The following FAM133A variants were observed in gnomAD, a reference collection of about 807,000 sequenced individuals.
FAM133A encodes the protein protein FAM133A.
For missense variants in FAM133A, 159 were observed against 164.4 expected, an observed-to-expected ratio of 0.97 and a Z score of 0.18; for synonymous variants, 65 against 58.6, an observed-to-expected ratio of 1.11 and a Z score of -0.50.
intron 2 of FAM133A, among the ~76,000 whole-genome samples, chrX:93,689,646 T>C (rs1925764114): frequency 9.0e-6 from 1 of 111,436 alleles, no homozygotes; most frequent in Non-Finnish European, 1.9e-5. Flanking sequence ...ATTTGTGTTT[T>C]TTTTTCAGCA....
chrX:93,680,521 A>G (rs1322154907), intron 2 of FAM133A, among the ~76,000 whole-genome samples: 1 of 111,432 alleles, frequency 9.0e-6, no homozygotes, highest in African/African-American at 3.3e-5. Context: ...AGGAATGTCC[A>G]TACTGTTTTC....
chrX:93,709,682 C>T lies in FAM133A; in HGVS notation c.263C>T (p.Ser88Phe), dbSNP rs753305064. Reference protein sequence around the residue: ...EKLLSGNESSSKKRERKKKRK... With the variant: ...EKLLSGNESSFKKRERKKKRK... ...TTATTAAGTGGAAATGAGAGCTCAT[C>T]TAAAAAAAGAGAAAGAAAGAAAAAG... The change falls in exon 4 of 4, where the codon TCT becomes TTT. Residue 88 changes from serine to phenylalanine, a missense_variant. Ser to Phe is a radical substitution (Grantham distance 155). Coordinates refer to ENST00000683942, the MANE Select transcript of FAM133A (RefSeq NM_001171109.2). The T allele has an allele frequency of 1.7e-6, 2 of 1,192,500 alleles. No individual in the cohort carries two copies. The highest frequency in any genetic ancestry group is 3.0e-5 in the East Asian group (1 of 33,580).
At chrX:93,693,747 T>C (rs922401249) in intron 2 of FAM133A, among the ~76,000 whole-genome samples, 1 of 111,627 alleles carries the variant, frequency 9.0e-6, no homozygotes, top group African/African-American at 3.2e-5. Context: ...TGCATTTTAG[T>C]ACTAATTTTA....
At chrX:93,680,174 A>T (rs1220475781) in intron 2 of FAM133A, among the ~76,000 whole-genome samples, 1 of 109,214 alleles carries the variant, frequency 9.2e-6, no homozygotes, top group Non-Finnish European at 1.9e-5. Flanking sequence ...TGACATTTTT[A>T]TGCTCCACAT....
chrX:93,699,729 C>G (rs1343598734), intron 3 of FAM133A, among the ~76,000 whole-genome samples: 1 of 110,020 alleles, frequency 9.1e-6, no homozygotes, highest in Non-Finnish European at 1.9e-5. Context: ...AAGTAAGTTA[C>G]AGACCTCATG....
At chrX:93,699,384 G>A (rs1926534805) in intron 3 of FAM133A, among the ~76,000 whole-genome samples, 1 of 110,983 alleles carries the variant, frequency 9.0e-6, no homozygotes. Context: ...AAGTCTATCT[G>A]CAGCTTCATC....
intron 2 of FAM133A, among the ~76,000 whole-genome samples, chrX:93,679,188 A>G (rs1451705448): frequency 9.0e-6 from 1 of 110,859 alleles, no homozygotes; most frequent in African/African-American, 3.3e-5. Flanking sequence ...GAAATATTGA[A>G]TAGAAAGTAT....
chrX:93,680,214 G>C (rs1229023910), intron 2 of FAM133A, among the ~76,000 whole-genome samples: 1 of 109,951 alleles, frequency 9.1e-6, no homozygotes. Flanking sequence ...GTCTGTTCCT[G>C]GCTTATTTCA....
chrX:93,692,554 T>C (rs1925962433), intron 2 of FAM133A, among the ~76,000 whole-genome samples: 1 of 111,925 alleles, frequency 8.9e-6, no homozygotes, highest in Non-Finnish European at 1.9e-5. Context: ...ATGAAACAGT[T>C]ACTGAGATTG....
chrX:93,709,589 C>A lies in FAM133A; in HGVS notation c.170C>A (p.Ala57Glu). 8.3e-7 allele frequency: 1 copy of A among 1,197,642 alleles called. No homozygotes were observed. The highest frequency in any genetic ancestry group is 1.8e-5 in the African/African-American group (1 of 56,482). ...GAAAATAAAAAAACAGGTTCAAAAG[C>A]ATTAGCTGAATTTGAAGAAAAAATG... is the stretch of plus-strand genomic sequence containing the variant. ...QLENKKTGSKALAEFEEKMNE... is the reference protein window; with the variant it reads ...QLENKKTGSKELAEFEEKMNE... The change falls in exon 4 of 4, where the codon GCA (alanine) becomes GAA (glutamate). Residue 57 changes from alanine to glutamate, a missense_variant. By Grantham distance (107) the Ala-to-Glu change is moderately radical. Coordinates refer to ENST00000683942, the MANE Select transcript of FAM133A (RefSeq NM_001171109.2).
At chrX:93,694,818 G>C (rs896988356) in intron 2 of FAM133A, among the ~76,000 whole-genome samples, 10 of 110,563 alleles carry the variant, frequency 9.0e-5, no homozygotes, top group Admixed American at 3.8e-4. Flanking sequence ...GGCTCACCAA[G>C]GAAAACTCTG....
chrX:93,686,865 T>G (rs1001748357), intron 2 of FAM133A, among the ~76,000 whole-genome samples: 1 of 112,366 alleles, frequency 8.9e-6, no homozygotes, highest in Non-Finnish European at 1.9e-5. Context: ...TAAAGGGCTA[T>G]TTTAACAAGT....
chrX:93,703,422 G>A (rs950932370), intron 3 of FAM133A, among the ~76,000 whole-genome samples: 3 of 110,963 alleles, frequency 2.7e-5, no homozygotes, highest in Non-Finnish European at 5.7e-5. Context: ...ACAATAGTGT[G>A]TCAGTACTGG....
chrX:93,685,388 A>G (rs1925445206), intron 2 of FAM133A, among the ~76,000 whole-genome samples: 1 of 111,750 alleles, frequency 8.9e-6, no homozygotes, highest in Admixed American at 9.6e-5. Flanking sequence ...ATTTGAAGAA[A>G]TTTCAACCTA....
At chrX:93,691,566 G>A (rs947189728) in intron 2 of FAM133A, among the ~76,000 whole-genome samples, 2 of 111,946 alleles carry the variant, frequency 1.8e-5, no homozygotes, top group Admixed American at 9.5e-5. Flanking sequence ...AAATCAGAAA[G>A]TATGAGTCAT....
chrX:93,687,653 A>G (rs1925624981), intron 2 of FAM133A, among the ~76,000 whole-genome samples: 1 of 111,690 alleles, frequency 9.0e-6, no homozygotes, highest in Non-Finnish European at 1.9e-5. Flanking sequence ...TTTCTTTGTG[A>G]TGAACATTCA....
intron 2 of FAM133A, among the ~76,000 whole-genome samples, chrX:93,689,657 G>C (rs775750557): frequency 5.1e-4 from 56 of 109,237 alleles, no homozygotes; most frequent in Admixed American, 2.2e-3. Context: ...TTTTTCAGCA[G>C]ATATTTTTGG....
chrX:93,683,756 T>C (rs1435166041), intron 2 of FAM133A, among the ~76,000 whole-genome samples: 1 of 111,826 alleles, frequency 8.9e-6, no homozygotes, highest in Non-Finnish European at 1.9e-5. Flanking sequence ...TGCATATCCC[T>C]GATGATTAAT....
chrX:93,710,687 G>A lies in FAM133A; in HGVS notation c.*521G>A, dbSNP rs1927390056. On this transcript the variant is annotated 3_prime_UTR_variant, in exon 4 of 4. Transcript: ENST00000683942. ...AAGTGTTTGCTAATCACTGTGGCTAGCTGAATAGTGTGCCTTTGACTCTTA... is the reference window on the plus strand; with the variant it reads ...AAGTGTTTGCTAATCACTGTGGCTAACTGAATAGTGTGCCTTTGACTCTTA... 8.1e-6 allele frequency: 1 copy of A among 122,959 alleles called. No individual in the cohort carries two copies. The highest frequency in any genetic ancestry group is 1.9e-5 in the Non-Finnish European group (1 of 53,282). 10.1% of individuals were successfully genotyped at this position (122,959 alleles called of 1,213,427 possible). A position where few individuals can be genotyped will look rare whatever the true frequency, so the allele number is the denominator to read the frequency against.
Sources: gnomAD v4.1 joint callset for allele counts (sites outside exome capture counted in the v4.1 genomes callset) on GRCh38, gnomAD v4.1.1 for gene constraint, MANE v1.5 for transcripts, NCBI Gene and HGNC (gene_info 2026-07-23, HGNC 2026-07-21) for gene names.